RBFOX1: variants seen among roughly 807,000 people sequenced by gnomAD.
RBFOX1 encodes the protein RNA binding protein fox-1 homolog 1.
Under a neutral mutation model 57.7 loss-of-function variants are expected in RBFOX1, and 8 were observed. That is an observed-to-expected ratio of 0.14 (90% CI 0.08 to 0.25). RBFOX1 has a LOEUF of 0.25. Ranked by LOEUF, RBFOX1 falls within the 10% of genes least tolerant of loss-of-function variation. The pLI, the probability that RBFOX1 is intolerant of heterozygous loss-of-function variation, is 1.00. For missense variants in RBFOX1, 611 were observed against 548.5 expected (o/e 1.11, Z -1.14); for synonymous variants, 326 against 222.4 (o/e 1.47, Z -4.15).
intron 2 of RBFOX1, among the ~76,000 whole-genome samples, chr16:6,571,593 C>T (rs1458880875): frequency 6.6e-6 from 1 of 152,030 alleles, no homozygotes; most frequent in African/African-American, 2.4e-5. Context: ...CTGTTGCTTG[C>T]CTGTTTTCTA....
At chr16:7,245,668 T>G (rs1244257284) in intron 4 of RBFOX1, among the ~76,000 whole-genome samples, 5 of 152,176 alleles carry the variant, frequency 3.3e-5, no homozygotes, top group Non-Finnish European at 5.9e-5. Context: ...GCCTTATGTT[T>G]TTGTTTGTTT....
intron 3 of RBFOX1, among the ~76,000 whole-genome samples, chr16:6,837,662 G>A (rs368640644): frequency 2.3e-4 from 35 of 152,234 alleles, no homozygotes; most frequent in African/African-American, 7.5e-4. Context: ...TGAAAATTGA[G>A]GATAATAATA....
At chr16:5,590,555 G>C (rs150934297) in intron 2 of RBFOX1, among the ~76,000 whole-genome samples, 1 of 152,152 alleles carries the variant, frequency 6.6e-6, no homozygotes, top group Non-Finnish European at 1.5e-5. Context: ...CTTGGCTGCC[G>C]TACTGTGATT....
intron 3 of RBFOX1, among the ~76,000 whole-genome samples, chr16:5,742,463 A>G (rs1022545224): frequency 2.6e-5 from 4 of 152,128 alleles, no homozygotes; most frequent in Admixed American, 6.6e-5. Flanking sequence ...TGGGGCTGCT[A>G]TATTCTTACT....
intron 4 of RBFOX1, chr16:7,126,217 T>G (rs1471395938): frequency 5.8e-6 from 1 of 171,874 alleles, no homozygotes; most frequent in East Asian, 1.7e-4. Context: ...ACACTTAACA[T>G]GCAATATTAA....
At chr16:7,267,247 A>T (rs1481324521) in intron 4 of RBFOX1, among the ~76,000 whole-genome samples, 1 of 151,892 alleles carries the variant, frequency 6.6e-6, no homozygotes, top group Non-Finnish European at 1.5e-5. Context: ...AAAAATACAA[A>T]AATTTAGCTG....
At chr16:6,912,624 ATT>A (rs33931128) in intron 3 of RBFOX1, among the ~76,000 whole-genome samples, 44,742 of 146,568 alleles carry the variant, frequency 0.31, 7,040 homozygotes, top group South Asian at 0.42. Flanking sequence ...TGTTATTACT[ATT>A]TTTTTTTTTT....
chr16:5,596,592 T>TGTA (rs1223026409), intron 2 of RBFOX1, among the ~76,000 whole-genome samples: 1 of 152,146 alleles, frequency 6.6e-6, no homozygotes, highest in East Asian at 1.9e-4. Flanking sequence ...AGGACCAGGC[T>TGTA]GTAGATAGGG....
intron 3 of RBFOX1, among the ~76,000 whole-genome samples, chr16:6,876,819 C>T (rs1385826065): frequency 3.3e-5 from 5 of 151,938 alleles, no homozygotes; most frequent in South Asian, 2.1e-4. Context: ...TAAAACTGAC[C>T]GAAAGATGGA....
intron 1 of RBFOX1, among the ~76,000 whole-genome samples, chr16:5,254,669 C>G (rs1192562557): frequency 1.3e-5 from 2 of 152,286 alleles, no homozygotes; most frequent in East Asian, 3.9e-4. Context: ...CCTGCATCCC[C>G]CACCCAGCTT....
chr16:5,700,446 T>C (rs2051006603), intron 3 of RBFOX1, among the ~76,000 whole-genome samples: 1 of 152,218 alleles, frequency 6.6e-6, no homozygotes, highest in African/African-American at 2.4e-5. Flanking sequence ...TTGGCTCACG[T>C]TCCTCATGAA....
chr16:5,718,258 A>G (rs1182379651), intron 3 of RBFOX1, among the ~76,000 whole-genome samples: 2 of 152,250 alleles, frequency 1.3e-5, no homozygotes, highest in Non-Finnish European at 2.9e-5. Flanking sequence ...TTAAGAATCC[A>G]TGTGGAGCTT....
chr16:6,559,143 A>G (rs756969088), intron 2 of RBFOX1, among the ~76,000 whole-genome samples: 17 of 150,678 alleles, frequency 1.1e-4, no homozygotes, highest in Non-Finnish European at 1.6e-4. Context: ...GTATATACAT[A>G]TGTGTATATA....
At chr16:6,961,242 T>C (rs541637810) in intron 3 of RBFOX1, among the ~76,000 whole-genome samples, 18 of 152,100 alleles carry the variant, frequency 1.2e-4, no homozygotes, top group Non-Finnish European at 2.1e-4. Flanking sequence ...GAGCTGCTGA[T>C]GGCCATTTTC....
intron 3 of RBFOX1, among the ~76,000 whole-genome samples, chr16:5,805,930 G>C (rs1865817): frequency 0.11 from 16,922 of 152,116 alleles, 3,143 homozygotes; most frequent in African/African-American, 0.38. Context: ...GATCTGGGGG[G>C]ACAAATGGAG....
chr16:6,475,541 A>T (rs1037335679), intron 2 of RBFOX1, among the ~76,000 whole-genome samples: 1 of 152,232 alleles, frequency 6.6e-6, no homozygotes, highest in Non-Finnish European at 1.5e-5. Context: ...ACCAGCAACC[A>T]ATATAGAGCT....
chr16:5,818,711 A>G (rs2055737065), intron 3 of RBFOX1, among the ~76,000 whole-genome samples: 2 of 152,238 alleles, frequency 1.3e-5, no homozygotes, highest in South Asian at 4.1e-4. Flanking sequence ...AGGGGACAAC[A>G]AAGAATGAGC....
At chr16:6,967,254 C>G (rs2153561460) in intron 3 of RBFOX1, among the ~76,000 whole-genome samples, 1 of 152,124 alleles carries the variant, frequency 6.6e-6, no homozygotes, top group East Asian at 1.9e-4. Context: ...TACCATCTGT[C>G]TGTCTGTACA....
intron 2 of RBFOX1, among the ~76,000 whole-genome samples, chr16:6,607,650 C>T (rs755604051): frequency 1.3e-5 from 2 of 151,908 alleles, no homozygotes; most frequent in Admixed American, 1.3e-4. Flanking sequence ...CTCTCTCTTT[C>T]TGTCTTCTTC....
Sources: allele counts gnomAD v4.1 joint callset (sites outside exome capture counted in the v4.1 genomes callset), GRCh38; gene constraint gnomAD v4.1.1; transcripts MANE v1.5; gene names NCBI Gene and HGNC (gene_info 2026-07-23, HGNC 2026-07-21).